Variants in PLSCR2 observed in about 807,000 individuals in gnomAD.
The protein encoded by PLSCR2 is PL scramblase 2.
Under a neutral mutation model 25.3 loss-of-function variants are expected in PLSCR2, and 18 were observed. The observed-to-expected ratio is 0.71, with a 90% CI of 0.49 to 1.06. The LOEUF (loss-of-function observed/expected upper bound fraction) is 1.06, where lower values mean the gene tolerates loss of function less well. Ranked by LOEUF, PLSCR2 falls within the 50% of genes least tolerant of loss-of-function variation. PLSCR2 has a pLI of 0.00. For synonymous variants in PLSCR2, 88 were observed against 87.3 expected (o/e 1.01, Z -0.04); for missense variants, 243 against 269.5 (o/e 0.90, Z 0.69).
intron 3 of PLSCR2, among the ~76,000 whole-genome samples, chr3:146,457,676 C>T (rs1003576479): frequency 6.6e-6 from 1 of 152,190 alleles, no homozygotes; most frequent in African/African-American, 2.4e-5. Context: ...TGGAAATGTA[C>T]TAAGGTAACT....
At chr3:146,408,728 C>G (rs1254172408) in intron 2 of PLSCR2, among the ~76,000 whole-genome samples, 1 of 152,108 alleles carries the variant, frequency 6.6e-6, no homozygotes, top group Non-Finnish European at 1.5e-5. Flanking sequence ...CCTGGAGGCG[C>G]TCTAAAAAAC....
At chr3:146,461,405 T>C (rs558177874), upstream of PLSCR2, among the ~76,000 whole-genome samples, 1 of 152,304 alleles carries the variant, frequency 6.6e-6, no homozygotes, top group East Asian at 1.9e-4. Context: ...TGACTCGTGA[T>C]TGGCTCTGTT....
chr3:146,434,418 A>G (rs1047028081), intron 8 of PLSCR2, among the ~76,000 whole-genome samples: 24 of 152,244 alleles, frequency 1.6e-4, no homozygotes, highest in African/African-American at 5.5e-4. Context: ...AATCGTACAA[A>G]ATTTCAAGGA....
chr3:146,405,373 G>A (rs1442127143), intron 2 of PLSCR2, among the ~76,000 whole-genome samples: 1 of 152,014 alleles, frequency 6.6e-6, no homozygotes, highest in Admixed American at 6.6e-5. Flanking sequence ...TTGCATTCTT[G>A]GATGTGCTGG....
intron 2 of PLSCR2, among the ~76,000 whole-genome samples, chr3:146,410,297 C>T (rs1206338593): frequency 6.6e-6 from 1 of 152,060 alleles, no homozygotes; most frequent in Non-Finnish European, 1.5e-5. Flanking sequence ...GTGTAAGTTT[C>T]CTTACACAGT....
chr3:146,487,155 G>A (rs111425766), intron 1 of PLSCR2, among the ~76,000 whole-genome samples: 2 of 152,170 alleles, frequency 1.3e-5, no homozygotes, highest in African/African-American at 4.8e-5. Context: ...AAGTACTGAT[G>A]GAACATATCT....
At chr3:146,495,656 A>C (rs185975378) in intron 1 of PLSCR2, among the ~76,000 whole-genome samples, 1 of 152,296 alleles carries the variant, frequency 6.6e-6, no homozygotes, top group African/African-American at 2.4e-5. Context: ...AAATCTGTTT[A>C]ATTCTGGGCT....
intron 1 of PLSCR2, among the ~76,000 whole-genome samples, chr3:146,487,510 T>G (rs1276970479): frequency 6.6e-6 from 1 of 152,028 alleles, no homozygotes; most frequent in Non-Finnish European, 1.5e-5. Flanking sequence ...ATCATAAGCA[T>G]TCCTATAGAC....
At chr3:146,441,848 G>A in intron 6 of PLSCR2, 27 bp from the exon 7 acceptor site, 1 of 1,480,010 alleles carries the variant, frequency 6.8e-7, no homozygotes, top group Non-Finnish European at 9.4e-7. Flanking sequence ...ATACAGAAAT[G>A]AATTCTCAGA....
chr3:146,461,972 A>G (rs1307721600), upstream of PLSCR2: 1 of 1,259,776 alleles, frequency 7.9e-7, no homozygotes, highest in Non-Finnish European at 1.1e-6. Context: ...AAAAAAAATG[A>G]CAAAGAACAA....
At chr3:146,436,159 T>C (rs1333549337) in intron 8 of PLSCR2, among the ~76,000 whole-genome samples, 1 of 152,232 alleles carries the variant, frequency 6.6e-6, no homozygotes, top group East Asian at 1.9e-4. Context: ...AGTACCATGC[T>C]GTTTTGGTTA....
At chr3:146,471,265 C>A (rs1468583464) in intron 1 of PLSCR2, among the ~76,000 whole-genome samples, 2 of 152,018 alleles carry the variant, frequency 1.3e-5, no homozygotes, top group Non-Finnish European at 2.9e-5. Flanking sequence ...ACATTTTATT[C>A]TTTTACCAAT....
chr3:146,471,872 A>G (rs890026632), intron 1 of PLSCR2, among the ~76,000 whole-genome samples: 25 of 152,192 alleles, frequency 1.6e-4, no homozygotes, highest in South Asian at 1.0e-3. Flanking sequence ...CCAAGATACA[A>G]TTCTTTTGCC....
Position 146,426,269 on chromosome 3 carries a change from CCTT to C in PLSCR2, c.101-30351_101-30349del, listed in dbSNP as rs1390140478. 4.4e-5 allele frequency among the ~76,000 whole-genome samples: 6 copies of C among 137,716 alleles called. No individual in the cohort carries two copies. In the South Asian group the frequency reaches 7.8e-4, roughly 18 times the overall value. 90.3% of individuals were successfully genotyped at this position (137,716 alleles called of 152,430 possible). ...TCCCTCTCTCCCTCCTTCCTTCCTT[CCTT>C]CTTTTCTTCCTTCCTTCCTTCCTGC... is the stretch of plus-strand genomic sequence containing the variant. On this transcript the variant is annotated intron_variant and NMD_transcript_variant, in intron 2 of 3. Coordinates refer to the PLSCR2 transcript ENST00000463633.
At chr3:146,469,201 G>A (rs1343123699) in intron 1 of PLSCR2, 6 of 985,454 alleles carry the variant, frequency 6.1e-6, no homozygotes, top group Non-Finnish European at 7.2e-6. Flanking sequence ...CCAGGATTCA[G>A]GGCCGCTCTC....
At chr3:146,464,928 T>A (rs1162164423), upstream of PLSCR2, among the ~76,000 whole-genome samples, 1 of 152,170 alleles carries the variant, frequency 6.6e-6, no homozygotes, top group Non-Finnish European at 1.5e-5. Context: ...TAGGAGGACA[T>A]CCATTTGGTT....
At chr3:146,404,177 T>A (rs146824466) in intron 2 of PLSCR2, among the ~76,000 whole-genome samples, 1,884 of 152,276 alleles carry the variant, frequency 0.012, 40 homozygotes, top group African/African-American at 0.042. Flanking sequence ...TCACCATTGC[T>A]CCATCTGTAA....
At chr3:146,483,479 G>GTATATATATATATATA (rs56655616) in intron 1 of PLSCR2, among the ~76,000 whole-genome samples, 40 of 54,808 alleles carry the variant, frequency 7.3e-4, no homozygotes, top group African/African-American at 2.1e-3. Context: ...ATATACATGT[G>GTATATATATATATATA]TATATATATA....
intron 1 of PLSCR2, among the ~76,000 whole-genome samples, chr3:146,487,431 C>A (rs888354820): frequency 1.3e-5 from 2 of 152,050 alleles, no homozygotes; most frequent in African/African-American, 2.4e-5. Flanking sequence ...TATCTCAACC[C>A]CAAAGCTTCT....
Sources: gnomAD v4.1 joint callset for allele counts (sites outside exome capture counted in the v4.1 genomes callset) on GRCh38, gnomAD v4.1.1 for gene constraint, MANE v1.5 for transcripts, NCBI Gene and HGNC (gene_info 2026-07-23, HGNC 2026-07-21) for gene names.